The following SIM1 variants were observed in gnomAD, a reference collection of about 807,000 sequenced individuals.
SIM1 encodes the protein single-minded homolog 1.
A neutral mutation model predicts 78.2 loss-of-function variants in SIM1; 18 were observed. The ratio of observed to expected loss-of-function variants is 0.23; its 90% CI spans 0.16 to 0.34. The LOEUF is 0.34. Ranked by LOEUF, SIM1 falls within the 10% of genes least tolerant of loss-of-function variation. The pLI, the probability that SIM1 is intolerant of heterozygous loss-of-function variation, is 1.00. For synonymous variants in SIM1, 417 were observed against 385.2 expected (o/e 1.08, Z -0.97); for missense variants, 939 against 975.1 (o/e 0.96, Z 0.49).
intron 9 of SIM1, among the ~76,000 whole-genome samples, chr6:100,432,260 G>A (rs1250927380): frequency 6.6e-6 from 1 of 152,180 alleles, no homozygotes; most frequent in East Asian, 1.9e-4. Context: ...CGCCTCGGAA[G>A]CACCTGAAGA....
chr6:100,434,391 T>A (rs1771986455), intron 9 of SIM1, among the ~76,000 whole-genome samples: 1 of 152,228 alleles, frequency 6.6e-6, no homozygotes, highest in African/African-American at 2.4e-5. Context: ...CCTATCAAAA[T>A]TAAAATGAAA....
intron 10 of SIM1, among the ~76,000 whole-genome samples, chr6:100,397,941 T>C (rs189028754): frequency 3.9e-5 from 6 of 152,220 alleles, no homozygotes; most frequent in Non-Finnish European, 7.4e-5. Context: ...ACTAGGAAGA[T>C]GCAAATTAAA....
intron 10 of SIM1, among the ~76,000 whole-genome samples, chr6:100,406,981 A>G (rs1771068086): frequency 1.3e-5 from 2 of 152,036 alleles, no homozygotes; most frequent in Non-Finnish European, 2.9e-5. Flanking sequence ...ACGTCTCCTC[A>G]TTTCCCCCAC....
Position 100,449,663 on chromosome 6 carries a change from G to A in SIM1, c.385C>T (p.His129Tyr). The A allele has an allele frequency of 2.5e-6, 4 of 1,614,096 alleles. No homozygotes were observed. Among genetic ancestry groups the A allele is most frequent in the Non-Finnish European group, 3.4e-6 (4 of 1,180,032 alleles). The change falls in exon 5 of 12, where the codon CAC becomes TAC. Residue 129 changes from histidine (H) to tyrosine (Y), a missense_variant. By Grantham distance (83) the His-to-Tyr change is moderately conservative. This residue lies in a region of SIM1 where 187 missense variants were observed against 191.6 expected (regional missense o/e 0.98). Coordinates refer to ENST00000369208, the MANE Select transcript of SIM1 (RefSeq NM_005068.3). ...LTGNSIYEYI[H>Y]PADHDEMTAV... ...GTCATCTCGTCGTGGTCTGCCGGGTGAATGTATTCATAAATGCTGTTTCCG... is the reference window on the plus strand; with the variant it reads ...GTCATCTCGTCGTGGTCTGCCGGGTAAATGTATTCATAAATGCTGTTTCCG...
intron 10 of SIM1, among the ~76,000 whole-genome samples, chr6:100,408,532 T>C (rs909677276): frequency 1.3e-5 from 2 of 152,100 alleles, no homozygotes; most frequent in Non-Finnish European, 2.9e-5. Flanking sequence ...CTTTTCACCA[T>C]TGAGTATAAT....
rs1770549446 is a variant in SIM1, at chr6:100,387,837, G to T, written c.*2524C>A. Reference sequence around the variant, plus strand: ...AAAATTCCACTGAAATTCCTTTAGTGACAGCCTTTTCTTTAATATCAGTTC... The same window carrying T: ...AAAATTCCACTGAAATTCCTTTAGTTACAGCCTTTTCTTTAATATCAGTTC... On this transcript the variant is annotated 3_prime_UTR_variant, in exon 12 of 12. Transcript: ENST00000369208. The T allele has an allele frequency of 6.6e-6, 1 of 151,944 alleles. No homozygotes were observed. Among genetic ancestry groups the T allele is most frequent in the Non-Finnish European group, 1.5e-5 (1 of 67,942 alleles). The allele number at this position is 151,944 out of a possible 1,614,324, so 9.4% of individuals were successfully genotyped here.
At chr6:100,448,298 G>A (rs371879681) in intron 7 of SIM1, 46 bp from the exon 8 acceptor site, 6 of 1,505,234 alleles carry the variant, frequency 4.0e-6, no homozygotes, top group Non-Finnish European at 5.5e-6. Context: ...GCGGGTGCAG[G>A]GATGCCCTCC....
At chr6:100,408,627 G>C (rs1771111853) in intron 10 of SIM1, among the ~76,000 whole-genome samples, 1 of 152,052 alleles carries the variant, frequency 6.6e-6, no homozygotes, top group Non-Finnish European at 1.5e-5. Context: ...ATGAAAGGAT[G>C]TTGAATTTTA....
intron 11 of SIM1, among the ~76,000 whole-genome samples, chr6:100,392,667 C>A (rs1404479852): frequency 6.6e-6 from 1 of 152,216 alleles, no homozygotes; most frequent in Non-Finnish European, 1.5e-5. Flanking sequence ...TTGTCTAGCA[C>A]ATGTCTCATT....
intron 7 of SIM1, 82 bp from the exon 8 acceptor site, chr6:100,448,334 C>G: frequency 7.3e-7 from 1 of 1,368,496 alleles, no homozygotes; most frequent in Non-Finnish European, 1.0e-6. Context: ...AGCCGTCTGA[C>G]ACCTAGCTGT....
chr6:100,456,034 G>T (rs1480964880), intron 2 of SIM1, among the ~76,000 whole-genome samples: 2 of 152,058 alleles, frequency 1.3e-5, no homozygotes, highest in Non-Finnish European at 2.9e-5. Context: ...AGCCTCTCTC[G>T]CCCTCTCCTG....
chr6:100,404,094 AC>A (rs1373249958), intron 10 of SIM1, among the ~76,000 whole-genome samples: 18 of 152,146 alleles, frequency 1.2e-4, no homozygotes, highest in African/African-American at 4.1e-4. Flanking sequence ...CAGCCTCTAC[AC>A]CCCGTAAACC....
chr6:100,443,601 G>A (rs1772271808), intron 9 of SIM1, among the ~76,000 whole-genome samples: 3 of 152,008 alleles, frequency 2.0e-5, no homozygotes, highest in Non-Finnish European at 4.4e-5. Flanking sequence ...AGTACTTGAC[G>A]AACATTAGTG....
At chr6:100,459,367 C>T (rs187092479) in intron 2 of SIM1, among the ~76,000 whole-genome samples, 2 of 152,154 alleles carry the variant, frequency 1.3e-5, no homozygotes, top group Non-Finnish European at 2.9e-5. Flanking sequence ...TTTAAGTCAA[C>T]ATCAAAACTG....
intron 10 of SIM1, among the ~76,000 whole-genome samples, chr6:100,395,590 C>A (rs1409706844): frequency 6.6e-6 from 1 of 152,184 alleles, no homozygotes; most frequent in African/African-American, 2.4e-5. Flanking sequence ...TTATTTCTTA[C>A]CCCAGAATAA....
At chr6:100,415,733 G>A (rs934808653) in intron 10 of SIM1, among the ~76,000 whole-genome samples, 9 of 152,214 alleles carry the variant, frequency 5.9e-5, no homozygotes, top group Admixed American at 4.6e-4. Flanking sequence ...GACAAACACC[G>A]CCACTTTAAG....
chr6:100,447,739 C>T (rs1198584417), intron 8 of SIM1, among the ~76,000 whole-genome samples: 1 of 152,200 alleles, frequency 6.6e-6, no homozygotes, highest in Non-Finnish European at 1.5e-5. Context: ...GGCAGCTGAG[C>T]TCCGGCGCTC....
At chr6:100,413,249 T>A (rs1400082566) in intron 10 of SIM1, among the ~76,000 whole-genome samples, 1 of 152,194 alleles carries the variant, frequency 6.6e-6, no homozygotes. Context: ...CCTGCTTCTT[T>A]CTCCATCTAC....
At chr6:100,427,429 T>G (rs936081579) in intron 9 of SIM1, among the ~76,000 whole-genome samples, 3 of 152,224 alleles carry the variant, frequency 2.0e-5, no homozygotes, top group Non-Finnish European at 4.4e-5. Flanking sequence ...ATCTTTCTTC[T>G]CCACTTTGAA....
Sources: allele counts gnomAD v4.1 joint callset (sites outside exome capture counted in the v4.1 genomes callset), GRCh38; gene constraint gnomAD v4.1.1; regional missense constraint gnomAD v4.1.1; transcripts MANE v1.5; gene names NCBI Gene and HGNC (gene_info 2026-07-23, HGNC 2026-07-21).